The following CUL4B variants were observed in gnomAD, a reference collection of about 807,000 sequenced individuals.
CUL4B encodes cullin 4B, also known as cullin-4B.
In CUL4B, 1 loss-of-function variant was observed where a neutral mutation model predicts 69.2. The observed-to-expected ratio is 0.01, with a 90% CI of 0.01 to 0.07. The LOEUF (loss-of-function observed/expected upper bound fraction) is 0.07. Ranked by LOEUF, CUL4B falls within the 10% of genes least tolerant of loss-of-function variation. CUL4B has a pLI of 1.00. For missense variants in CUL4B, 328 were observed against 638.8 expected (o/e 0.51, Z 5.24); for synonymous variants, 237 against 223.2 (o/e 1.06, Z -0.55).
rs761544255 is a variant in CUL4B, at chrX:120,560,307, C to T, written c.332G>A (p.Gly111Glu). Residue 111 changes from glycine (G) to glutamate (E), a missense_variant, in exon 1 of 20, where the codon GGG (glycine) becomes GAG (glutamate). This residue lies in a region of CUL4B where 102 missense variants were observed against 122.1 expected (regional missense o/e 0.84). Transcript: ENST00000371322. ...LRFEDTLEFV[G>E]FDAKMAEESS... ...TTCCTCAGCCATCTTCGCATCAAAC[C>T]CTACAAACTCCAGGGTGTCTTCAAA... 4 of 1,211,244 alleles carry T rather than the reference C, an allele frequency of 3.3e-6. No homozygotes were observed. The highest frequency in any genetic ancestry group is 5.9e-5 in the East Asian group (2 of 33,853).
chrX:120,553,966 C>G (rs1445345126), intron 2 of CUL4B, among the ~76,000 whole-genome samples: 1 of 111,362 alleles, frequency 9.0e-6, no homozygotes, highest in Non-Finnish European at 1.9e-5. Flanking sequence ...CTGTCTTTTT[C>G]TATTATTTTT....
intron 2 of CUL4B, among the ~76,000 whole-genome samples, chrX:120,556,910 TA>T (rs1298709967): frequency 0.015 from 1,172 of 80,275 alleles, 14 homozygotes; most frequent in African/African-American, 0.049. Flanking sequence ...GAAGTATATA[TA>T]TATTTTTTTT....
At chrX:120,536,766 C>CG (rs1355381030) in intron 15 of CUL4B, among the ~76,000 whole-genome samples, 161 bp downstream of exon 15, 1 of 111,468 alleles carries the variant, frequency 9.0e-6, no homozygotes, top group African/African-American at 3.3e-5. Context: ...AAGGCTGAGG[C>CG]GGGGGGGATC....
Position 120,532,770 on chromosome X carries a change from TA to T in CUL4B, c.2267-177del, listed in dbSNP as rs1303482331. On this transcript the variant is annotated intron_variant, in intron 17 of 19. Coordinates refer to ENST00000371322, the MANE Select transcript of CUL4B (RefSeq NM_001079872.2). The stretch of plus-strand genomic sequence containing the variant: ...CTTTTTTCCTAGTCCTCTTCTTTTT[TA>T]AAAAAAATAGAGGCGGGGTTTCACC... Among the ~76,000 whole-genome samples, 3 of 111,332 alleles carry T rather than the reference TA, an allele frequency of 2.7e-5. No individual in the cohort carries two copies. The East Asian group carries it at 8.4e-4, about 31-fold the overall frequency.
intron 14 of CUL4B, among the ~76,000 whole-genome samples, chrX:120,537,242 T>C (rs1274052758): frequency 8.9e-6 from 1 of 112,309 alleles, no homozygotes; most frequent in East Asian, 2.8e-4. Flanking sequence ...TACAAAGGCA[T>C]ACAAGGATCA....
At chrX:120,546,514 T>G (rs1161179539) in intron 4 of CUL4B, 33 bp downstream of exon 4, 2 of 1,115,740 alleles carry the variant, frequency 1.8e-6, no homozygotes, top group South Asian at 3.7e-5. Context: ...TAATACAATG[T>G]TTAGCCGAAA....
At chrX:120,549,071 A>G (rs1318380931) in intron 2 of CUL4B, among the ~76,000 whole-genome samples, 1 of 112,059 alleles carries the variant, frequency 8.9e-6, no homozygotes, top group African/African-American at 3.2e-5. Flanking sequence ...GATATAATCT[A>G]TAATTCCAAG....
chrX:120,545,699 A>C (rs1048077398), intron 4 of CUL4B, among the ~76,000 whole-genome samples, 182 bp from the exon 5 acceptor site: 1 of 111,219 alleles, frequency 9.0e-6, no homozygotes, highest in African/African-American at 3.3e-5. Flanking sequence ...CTCAACAGTC[A>C]ATCCTTTTTG....
At chrX:120,534,671 C>A in intron 16 of CUL4B, 85 bp from the exon 17 acceptor site, 1 of 636,157 alleles carries the variant, frequency 1.6e-6, no homozygotes, top group South Asian at 2.3e-5. Flanking sequence ...AAGCATTTTT[C>A]AATTAGTGGA....
At chrX:120,564,533 G>C (rs1381345447), upstream of CUL4B, among the ~76,000 whole-genome samples, 1 of 111,761 alleles carries the variant, frequency 8.9e-6, no homozygotes, top group Non-Finnish European at 1.9e-5. Flanking sequence ...TTGAACTCAG[G>C]AGGTGGAGGT....
chrX:120,552,944 C>G (rs1924771060), intron 2 of CUL4B, among the ~76,000 whole-genome samples: 1 of 111,963 alleles, frequency 8.9e-6, no homozygotes. Context: ...TCTAAGTATT[C>G]AAAAACTAAG....
chrX:120,568,379 T>C (rs1344275412), downstream of CUL4B, among the ~76,000 whole-genome samples: 1 of 112,250 alleles, frequency 8.9e-6, no homozygotes, highest in Non-Finnish European at 1.9e-5. Context: ...AATTTAAATA[T>C]TTTTTATAAG....
intron 2 of CUL4B, among the ~76,000 whole-genome samples, chrX:120,555,344 G>A (rs1325994192): frequency 1.8e-5 from 2 of 112,002 alleles, no homozygotes; most frequent in African/African-American, 6.5e-5. Flanking sequence ...AATTAAATAT[G>A]CTGTATACCA....
chrX:120,565,931 T>G (rs1176272235), upstream of CUL4B, among the ~76,000 whole-genome samples: 1 of 106,621 alleles, frequency 9.4e-6, no homozygotes, highest in Non-Finnish European at 1.9e-5. Flanking sequence ...GGTTTCACTA[T>G]GTTAGCCAGG....
intron 2 of CUL4B, among the ~76,000 whole-genome samples, chrX:120,557,651 C>T (rs1024355999): frequency 2.7e-5 from 3 of 111,656 alleles, no homozygotes; most frequent in Non-Finnish European, 5.7e-5. Context: ...TATAGGATTA[C>T]ATTATAGGTA....
chrX:120,570,636 T>C (rs754862364), downstream of CUL4B, among the ~76,000 whole-genome samples: 1 of 112,535 alleles, frequency 8.9e-6, no homozygotes, highest in East Asian at 2.8e-4. Flanking sequence ...TTTCTATTCC[T>C]ATTCTGCATG....
Position 120,546,634 on chromosome X carries a change from G to C in CUL4B, c.777-18C>G, listed in dbSNP as rs1051770635. 18 of 1,127,067 alleles carry C rather than the reference G, an allele frequency of 1.6e-5. No individual in the cohort carries two copies. Among genetic ancestry groups the C allele is most frequent in the Non-Finnish European group, 2.1e-5 (17 of 820,068 alleles). 92.9% of individuals were successfully genotyped at this position (1,127,067 alleles called of 1,213,427 possible). A position where few individuals can be genotyped will look rare whatever the true frequency, so the allele number is the denominator to read the frequency against. ...ATGAATCCCTGAAACATATGTTAAG[G>C]ATATTTTAAAGCGTTTGGTACAAGT... On this transcript the variant is annotated intron_variant, in intron 3 of 19. Transcript: ENST00000371322.
downstream of CUL4B, among the ~76,000 whole-genome samples, chrX:120,570,303 A>G (rs1003218663): frequency 1.7e-4 from 19 of 112,288 alleles, no homozygotes; most frequent in African/African-American, 6.2e-4. Flanking sequence ...ACTGGGCAAC[A>G]CTACAAAAAT....
chrX:120,534,618 CT>C lies in CUL4B; in HGVS notation c.2161-33del, dbSNP rs1923537472. On this transcript the variant is annotated intron_variant, in intron 16 of 19. Coordinates refer to ENST00000371322, the MANE Select transcript of CUL4B (RefSeq NM_001079872.2). ...AAGAAATAAAAGTGTTTAGTCATCA[CT>C]TTTTTAAAAACACATGAAAAATTAA... 3 of 987,633 alleles carry C rather than the reference CT, an allele frequency of 3.0e-6. No individual in the cohort carries two copies. The African/African-American group carries it at 5.6e-5, about 19-fold the overall frequency. The allele number at this position is 987,633 out of a possible 1,213,427, so 81.4% of individuals were successfully genotyped here.
Sources: gnomAD v4.1 joint callset for allele counts (sites outside exome capture counted in the v4.1 genomes callset) on GRCh38, gnomAD v4.1.1 for gene constraint, gnomAD v4.1.1 regional missense constraint, MANE v1.5 for transcripts, NCBI Gene and HGNC (gene_info 2026-07-23, HGNC 2026-07-21) for gene names.